Variants in FHIT observed in about 807,000 individuals in gnomAD.
The protein encoded by FHIT is fragile histidine triad diadenosine triphosphatase, also known as bis(5'-adenosyl)-triphosphatase.
In FHIT, 19 loss-of-function variants were observed where a neutral mutation model predicts 17.9. The observed-to-expected ratio is 1.06, with a 90% CI of 0.74 to 1.56. The LOEUF (loss-of-function observed/expected upper bound fraction) is 1.56. Among genes scored for constraint, FHIT ranks in the 40% most tolerant of loss-of-function variants. FHIT has a pLI of 0.00. For missense variants in FHIT, 248 were observed against 189.2 expected, an observed-to-expected ratio of 1.31 and a Z score of -1.82; for synonymous variants, 81 against 69.7, an observed-to-expected ratio of 1.16 and a Z score of -0.81.
At chr3:59,790,534 G>C (rs983957358) in intron 8 of FHIT, among the ~76,000 whole-genome samples, 108 of 151,924 alleles carry the variant, frequency 7.1e-4, no homozygotes, top group Middle Eastern at 3.4e-3. Context: ...CTCTCTGTGT[G>C]TGTGTGTGTA....
intron 5 of FHIT, among the ~76,000 whole-genome samples, chr3:60,244,334 G>A (rs1407115548): frequency 1.3e-5 from 2 of 151,998 alleles, no homozygotes; most frequent in African/African-American, 4.8e-5. Flanking sequence ...AATAAAGAGA[G>A]AAGGATAAAA....
chr3:60,567,646 A>G (rs1385675789), intron 4 of FHIT, among the ~76,000 whole-genome samples: 1 of 152,206 alleles, frequency 6.6e-6, no homozygotes, highest in Non-Finnish European at 1.5e-5. Context: ...CAGCAAAAGA[A>G]ACTACCATCA....
chr3:60,801,038 T>A (rs1701169331), intron 4 of FHIT, among the ~76,000 whole-genome samples: 1 of 152,160 alleles, frequency 6.6e-6, no homozygotes, highest in Non-Finnish European at 1.5e-5. Flanking sequence ...CAGAGGGAAA[T>A]ACAATATAAG....
intron 1 of FHIT, among the ~76,000 whole-genome samples, chr3:61,223,741 C>A (rs2039897335): frequency 2.0e-5 from 3 of 152,182 alleles, no homozygotes; most frequent in Admixed American, 2.0e-4. Flanking sequence ...GATGCTGAAG[C>A]AGAGACTATC....
intron 4 of FHIT, among the ~76,000 whole-genome samples, chr3:60,659,050 T>G (rs1553690401): frequency 1.1e-5 from 1 of 91,868 alleles, no homozygotes; most frequent in East Asian, 1.7e-3. Flanking sequence ...TGGTTGGCAG[T>G]TTTTTTTGTT....
intron 2 of FHIT, among the ~76,000 whole-genome samples, chr3:61,049,856 T>G (rs532276571): frequency 5.3e-5 from 8 of 152,120 alleles, no homozygotes; most frequent in Non-Finnish European, 1.2e-4. Context: ...CTGGAGCAGG[T>G]CATAAGACCA....
chr3:60,822,372 G>C (rs1701960195), intron 3 of FHIT, among the ~76,000 whole-genome samples: 1 of 152,140 alleles, frequency 6.6e-6, no homozygotes, highest in Admixed American at 6.5e-5. Context: ...AAAAAGATGA[G>C]GCTGACCCGT....
intron 1 of FHIT, among the ~76,000 whole-genome samples, chr3:61,241,615 T>C (rs2040374945): frequency 6.6e-6 from 1 of 152,232 alleles, no homozygotes; most frequent in African/African-American, 2.4e-5. Context: ...TTATCTATGA[T>C]GGTTTCTAAC....
At chr3:59,961,188 C>T (rs1004431409) in intron 7 of FHIT, among the ~76,000 whole-genome samples, 1 of 152,004 alleles carries the variant, frequency 6.6e-6, no homozygotes, top group Non-Finnish European at 1.5e-5. Context: ...TTCTCATCTT[C>T]GATCTTACTG....
chr3:60,903,631 GAATGT>G (rs1706236671), intron 3 of FHIT, among the ~76,000 whole-genome samples: 1 of 152,180 alleles, frequency 6.6e-6, no homozygotes, highest in Non-Finnish European at 1.5e-5. Flanking sequence ...TTAAGATGTA[GAATGT>G]TTATGCTGTC....
chr3:59,951,509 C>T (rs144803214), intron 7 of FHIT, among the ~76,000 whole-genome samples: 1 of 152,206 alleles, frequency 6.6e-6, no homozygotes, highest in Non-Finnish European at 1.5e-5. Flanking sequence ...CTGAAGGACT[C>T]TGACATCAGT....
intron 5 of FHIT, among the ~76,000 whole-genome samples, chr3:60,023,666 G>C (rs1700632907): frequency 6.6e-6 from 1 of 152,166 alleles, no homozygotes; most frequent in Non-Finnish European, 1.5e-5. Flanking sequence ...GGAAATGAGA[G>C]AAAGGGAGAG....
intron 3 of FHIT, among the ~76,000 whole-genome samples, chr3:60,845,971 G>A (rs1246527575): frequency 6.6e-6 from 1 of 152,124 alleles, no homozygotes; most frequent in Admixed American, 6.5e-5. Context: ...AAAAATAAAA[G>A]AAAACCTTGT....
At chr3:60,168,441 C>T (rs1576239990) in intron 5 of FHIT, among the ~76,000 whole-genome samples, 1 of 152,138 alleles carries the variant, frequency 6.6e-6, no homozygotes, top group South Asian at 2.1e-4. Flanking sequence ...CTTGCCAGCT[C>T]CAAGGTGAAG....
intron 2 of FHIT, among the ~76,000 whole-genome samples, chr3:61,060,216 T>C (rs2034378046): frequency 6.6e-6 from 1 of 152,250 alleles, no homozygotes; most frequent in Admixed American, 6.5e-5. Context: ...TTGGTCTATT[T>C]AGAAGTTTGA....
At chr3:59,990,759 CA>C (rs1709191035) in intron 7 of FHIT, among the ~76,000 whole-genome samples, 1 of 151,928 alleles carries the variant, frequency 6.6e-6, no homozygotes, top group African/African-American at 2.4e-5. Context: ...TTTTATTGAC[CA>C]AAGTGGTTTA....
At chr3:59,749,833 G>C (rs1700789282) in intron 9 of FHIT, 1 of 223,682 alleles carries the variant, frequency 4.5e-6, no homozygotes. Context: ...GGGAGGTATA[G>C]TTAGTCCCAT....
At chr3:60,351,554 C>A (rs1312328501) in intron 5 of FHIT, among the ~76,000 whole-genome samples, 1 of 152,170 alleles carries the variant, frequency 6.6e-6, no homozygotes, top group African/African-American at 2.4e-5. Context: ...TGTAATACTT[C>A]TAAGTTGCAT....
chr3:60,806,354 G>A (rs1553734181), intron 4 of FHIT, among the ~76,000 whole-genome samples: 1 of 152,152 alleles, frequency 6.6e-6, no homozygotes, highest in Non-Finnish European at 1.5e-5. Flanking sequence ...GCTCACTTTG[G>A]TCCTTCTAGG....
Sources: allele counts gnomAD v4.1 joint callset (sites outside exome capture counted in the v4.1 genomes callset), GRCh38; gene constraint gnomAD v4.1.1; transcripts MANE v1.5; gene names NCBI Gene and HGNC (gene_info 2026-07-23, HGNC 2026-07-21).